Variants in AMOTL1 observed in about 807,000 individuals in gnomAD.
The protein encoded by AMOTL1 is angiomotin like 1.
Under a neutral mutation model 102.9 loss-of-function variants are expected in AMOTL1, and 45 were observed. The observed-to-expected ratio is 0.44, with a 90% CI of 0.34 to 0.56. The LOEUF is 0.56. Ranked by LOEUF, AMOTL1 falls within the 20% of genes least tolerant of loss-of-function variation. The probability of loss-of-function intolerance (pLI) is 0.01; values close to 1 mark genes in which losing one functional copy is unlikely to be tolerated. For synonymous variants in AMOTL1, 481 were observed against 484.7 expected (o/e 0.99, Z 0.10); for missense variants, 1,114 against 1,225.6 (o/e 0.91, Z 1.36).
At chr11:94,812,219 CAA>C (rs1951694711) in intron 3 of AMOTL1, among the ~76,000 whole-genome samples, 1 of 152,000 alleles carries the variant, frequency 6.6e-6, no homozygotes, top group Non-Finnish European at 1.5e-5. Context: ...TTGTGAACCC[CAA>C]AGTATCTGAG....
chr11:94,779,074 C>T (rs1951069438), intron 1 of AMOTL1, among the ~76,000 whole-genome samples: 1 of 152,120 alleles, frequency 6.6e-6, no homozygotes, highest in South Asian at 2.1e-4. Flanking sequence ...AGGATGTAGA[C>T]CCACCTTTCC....
At chr11:94,839,291 A>T (rs1592020410) in intron 6 of AMOTL1, among the ~76,000 whole-genome samples, 1 of 152,208 alleles carries the variant, frequency 6.6e-6, no homozygotes, top group Non-Finnish European at 1.5e-5. Context: ...CTAATTGAAC[A>T]CTAATTGAGC....
intron 3 of AMOTL1, among the ~76,000 whole-genome samples, chr11:94,748,663 CT>C (rs1323028861): frequency 1.3e-5 from 2 of 152,342 alleles, no homozygotes; most frequent in East Asian, 3.9e-4. Flanking sequence ...TCTGTATCTT[CT>C]TTTCCTAAAC....
At chr11:94,780,027 A>C (rs892775596) in intron 1 of AMOTL1, among the ~76,000 whole-genome samples, 3 of 152,246 alleles carry the variant, frequency 2.0e-5, no homozygotes, top group Admixed American at 1.3e-4. Context: ...AAAGGAACAG[A>C]TCACTGCAAA....
intron 8 of AMOTL1, among the ~76,000 whole-genome samples, chr11:94,856,266 T>C (rs2135721612): frequency 6.6e-6 from 1 of 152,280 alleles, no homozygotes; most frequent in South Asian, 2.1e-4. Context: ...TATTTTTTTT[T>C]CCTGTAATAT....
chr11:94,744,519 C>G (rs1950566968), intron 3 of AMOTL1, among the ~76,000 whole-genome samples: 1 of 152,156 alleles, frequency 6.6e-6, no homozygotes, highest in African/African-American at 2.4e-5. Flanking sequence ...GTGATTAACT[C>G]AATCCCCAGT....
Position 94,835,461 on chromosome 11 carries a change from C to T in AMOTL1, c.1648+3920C>T, listed in dbSNP as rs369468509. On this transcript the variant is annotated intron_variant, in intron 6 of 12. Transcript: ENST00000433060. ...GGAAACTTTTTAAAACTGTTTCTTTCGAAAATGGATAGCGCTGCAGAATTC... is the reference window on the plus strand; with the variant it reads ...GGAAACTTTTTAAAACTGTTTCTTTTGAAAATGGATAGCGCTGCAGAATTC... Among the ~76,000 whole-genome samples the T allele has an allele frequency of 4.6e-5, 7 of 152,160 alleles. No individual in the cohort carries two copies. The South Asian group carries it at 6.2e-4, about 14-fold the overall frequency.
In AMOTL1 at chr11:94,864,877, T is replaced by C; in HGVS notation, c.2261+17T>C. ...GGAATACACGTAAGGGACGACTATG[T>C]GTGACGTGTGGGGCCCGCTGCATTC... On this transcript the variant is annotated intron_variant, in intron 10 of 12. Coordinates refer to ENST00000433060, the MANE Select transcript of AMOTL1 (RefSeq NM_130847.3). The C allele has an allele frequency of 6.2e-7, 1 of 1,609,818 alleles. No homozygotes were observed.
At chr11:94,721,327 G>A (rs1345059783) in intron 1 of AMOTL1, among the ~76,000 whole-genome samples, 1 of 151,824 alleles carries the variant, frequency 6.6e-6, no homozygotes, top group Admixed American at 6.6e-5. Flanking sequence ...AAATAGTATT[G>A]TGACTAAAGT....
chr11:94,766,886 C>T (rs1465103551), upstream of AMOTL1, among the ~76,000 whole-genome samples: 2 of 152,154 alleles, frequency 1.3e-5, no homozygotes, highest in African/African-American at 4.8e-5. Context: ...GTTATTCTGC[C>T]TTCCCTTGTT....
At chr11:94,804,904 T>G (rs1222959752) in intron 3 of AMOTL1, among the ~76,000 whole-genome samples, 1 of 152,236 alleles carries the variant, frequency 6.6e-6, no homozygotes, top group African/African-American at 2.4e-5. Context: ...CCAGGCACTT[T>G]GTGTGGGTTA....
chr11:94,789,923 C>G (rs1411349226), intron 1 of AMOTL1, among the ~76,000 whole-genome samples: 1 of 152,220 alleles, frequency 6.6e-6, no homozygotes, highest in African/African-American at 2.4e-5. Context: ...TTACATGTAG[C>G]TGGCAGAAAG....
At position 94,870,561 on chromosome 11, in the gene AMOTL1, T is replaced by C. The variant is rs1952977054; in HGVS notation, c.2765-128T>C. 4.9e-6 allele frequency: 3 copies of C among 617,426 alleles called. No individual in the cohort carries two copies. The South Asian group carries it at 6.9e-5, about 14-fold the overall frequency. 38.2% of individuals were successfully genotyped at this position (617,426 alleles called of 1,614,324 possible). On this transcript the variant is annotated intron_variant, in intron 12 of 12. Coordinates refer to ENST00000433060, the MANE Select transcript of AMOTL1 (RefSeq NM_130847.3). ...CATGTTCCCACTGTGGGCTGGATCATCTCACATGCCCTGTGGTGAGAATCC... is the reference window on the plus strand; with the variant it reads ...CATGTTCCCACTGTGGGCTGGATCACCTCACATGCCCTGTGGTGAGAATCC...
In AMOTL1 at chr11:94,835,445, T is replaced by A. The variant is rs982763540; in HGVS notation, c.1648+3904T>A. 2.6e-5 allele frequency among the ~76,000 whole-genome samples: 4 copies of A among 152,330 alleles called. No homozygotes were observed. In the East Asian group the frequency reaches 7.7e-4, roughly 29 times the overall value. ...GTGTCTTCTCAGTCACGGAAACTTTTTAAAACTGTTTCTTTCGAAAATGGA... is the reference window on the plus strand; with the variant it reads ...GTGTCTTCTCAGTCACGGAAACTTTATAAAACTGTTTCTTTCGAAAATGGA... On this transcript the variant is annotated intron_variant, in intron 6 of 12. Coordinates refer to ENST00000433060, the MANE Select transcript of AMOTL1 (RefSeq NM_130847.3).
At chr11:94,741,297 C>T (rs1950523704) in intron 3 of AMOTL1, among the ~76,000 whole-genome samples, 1 of 151,998 alleles carries the variant, frequency 6.6e-6, no homozygotes. Context: ...CTCCGAGGAG[C>T]CTGGCACAGC....
chr11:94,794,314 G>A (rs1005885650), intron 1 of AMOTL1, among the ~76,000 whole-genome samples: 1 of 152,180 alleles, frequency 6.6e-6, no homozygotes, highest in African/African-American at 2.4e-5. Flanking sequence ...TTGTGTGTGC[G>A]GTATCAGTGT....
chr11:94,754,694 AG>A (rs1199925946), intron 3 of AMOTL1, among the ~76,000 whole-genome samples: 1 of 152,226 alleles, frequency 6.6e-6, no homozygotes, highest in Non-Finnish European at 1.5e-5. Context: ...TGAGAGACTA[AG>A]GGCTCCACTA....
intron 1 of AMOTL1, among the ~76,000 whole-genome samples, chr11:94,772,697 A>T (rs1950971843): frequency 6.6e-6 from 1 of 152,222 alleles, no homozygotes; most frequent in Admixed American, 6.5e-5. Flanking sequence ...TTGTGTGAAC[A>T]TAAGTTTTCA....
chr11:94,850,067 G>T, intron 6 of AMOTL1, 47 bp from the exon 7 acceptor site: 3 of 1,551,466 alleles, frequency 1.9e-6, no homozygotes, highest in Non-Finnish European at 2.6e-6. Context: ...AGCCCAGAGG[G>T]TGTGCAATTT....
Sources: allele counts gnomAD v4.1 joint callset (sites outside exome capture counted in the v4.1 genomes callset), GRCh38; gene constraint gnomAD v4.1.1; transcripts MANE v1.5; gene names NCBI Gene and HGNC (gene_info 2026-07-23, HGNC 2026-07-21).